Variants in RBFOX1 observed in about 807,000 individuals in gnomAD.
RBFOX1 encodes the protein RNA binding fox-1 homolog 1.
RBFOX1 carries 8 observed loss-of-function variants against 57.7 expected under a neutral mutation model. That is an observed-to-expected ratio of 0.14 (90% confidence interval 0.08 to 0.25). The LOEUF (loss-of-function observed/expected upper bound fraction) is 0.25, where lower values mean the gene tolerates loss of function less well. Ranked by LOEUF, RBFOX1 falls within the 10% of genes least tolerant of loss-of-function variation. RBFOX1 has a pLI of 1.00. For missense variants in RBFOX1, 611 were observed against 548.5 expected, an observed-to-expected ratio of 1.11 and a Z score of -1.14; for synonymous variants, 326 against 222.4, an observed-to-expected ratio of 1.47 and a Z score of -4.15.
intron 1 of RBFOX1, among the ~76,000 whole-genome samples, chr16:5,448,412 T>C (rs931535305): frequency 2.0e-5 from 3 of 152,194 alleles, no homozygotes; most frequent in African/African-American, 7.2e-5. Flanking sequence ...GGGCTGTTCA[T>C]TGAAATATAA....
intron 4 of RBFOX1, among the ~76,000 whole-genome samples, chr16:7,234,003 C>G (rs1445833470): frequency 1.3e-5 from 2 of 152,146 alleles, no homozygotes; most frequent in Admixed American, 6.6e-5. Context: ...TGATACTTTT[C>G]ATTTTCAGCA....
intron 5 of RBFOX1, among the ~76,000 whole-genome samples, chr16:7,572,313 C>G (rs571136010): frequency 6.6e-6 from 1 of 152,296 alleles, no homozygotes; most frequent in Non-Finnish European, 1.5e-5. Flanking sequence ...AGTGAGCAGA[C>G]TTGCAGGTCG....
chr16:7,200,833 T>C (rs1476653224), intron 4 of RBFOX1, among the ~76,000 whole-genome samples: 1 of 152,196 alleles, frequency 6.6e-6, no homozygotes, highest in African/African-American at 2.4e-5. Flanking sequence ...CCTTTCATGC[T>C]TTCTCCGCGC....
chr16:6,429,209 G>T (rs2153001196), intron 2 of RBFOX1, among the ~76,000 whole-genome samples: 1 of 152,324 alleles, frequency 6.6e-6, no homozygotes, highest in Admixed American at 6.5e-5. Flanking sequence ...TGTTTGAAAT[G>T]TGTCTGTGGA....
At chr16:6,293,908 GA>G (rs2077767500) in intron 1 of RBFOX1, among the ~76,000 whole-genome samples, 1 of 151,158 alleles carries the variant, frequency 6.6e-6, no homozygotes, top group South Asian at 2.1e-4. Flanking sequence ...GGGGGTGGTG[GA>G]AATAGACGAA....
rs533881672 is a variant in RBFOX1, at chr16:6,553,064, A to G, written c.-63-101539A>G. Among the ~76,000 whole-genome samples the G allele has an allele frequency of 2.0e-5, 3 of 152,278 alleles. No homozygotes were observed. In the East Asian group the frequency reaches 5.8e-4, roughly 29 times the overall value. On this transcript the variant is annotated intron_variant, in intron 2 of 15. Transcript: ENST00000550418. ...TGACACTTCAGTGGCAGCAACTTCC[A>G]GTTACAGCCAGAGTCTCAGTATGTA...
chr16:7,472,042 G>A (rs2061651312), intron 4 of RBFOX1, among the ~76,000 whole-genome samples: 1 of 152,136 alleles, frequency 6.6e-6, no homozygotes, highest in Non-Finnish European at 1.5e-5. Context: ...GTATATATTT[G>A]ACACAATTTA....
intron 3 of RBFOX1, among the ~76,000 whole-genome samples, chr16:5,851,162 C>T (rs1865810): frequency 0.25 from 38,009 of 152,052 alleles, 5,578 homozygotes; most frequent in African/African-American, 0.4. Context: ...GAAGCCAGAC[C>T]CTATGACGGT....
chr16:7,488,297 C>T (rs942518507), intron 4 of RBFOX1, among the ~76,000 whole-genome samples: 3 of 152,180 alleles, frequency 2.0e-5, no homozygotes, highest in Admixed American at 6.5e-5. Context: ...CCCTTTCTCA[C>T]TCTGCATTTT....
intron 3 of RBFOX1, among the ~76,000 whole-genome samples, chr16:5,647,385 C>T (rs2049087901): frequency 6.6e-6 from 1 of 152,094 alleles, no homozygotes; most frequent in Non-Finnish European, 1.5e-5. Context: ...CTTAAATGTG[C>T]CTGCAATTTA....
intron 3 of RBFOX1, among the ~76,000 whole-genome samples, chr16:6,836,396 G>GT (rs2141252436): frequency 6.6e-6 from 1 of 152,282 alleles, no homozygotes; most frequent in South Asian, 2.1e-4. Flanking sequence ...ACCCCATAGG[G>GT]TTTTAACCTT....
Position 7,105,899 on chromosome 16 carries a change from G to A in RBFOX1, c.27+53801G>A, listed in dbSNP as rs1004363071. On this transcript the variant is annotated intron_variant, in intron 4 of 15. Transcript: ENST00000550418. The stretch of plus-strand genomic sequence containing the variant: ...ATGGAGGAGGTATTGTTTCACTCAG[G>A]AGAGGTATACGTAGACAATAGATGC... Among the ~76,000 whole-genome samples the A allele has an allele frequency of 3.3e-5, 5 of 152,232 alleles. No individual in the cohort carries two copies. The East Asian group carries it at 9.7e-4, about 29-fold the overall frequency.
chr16:6,734,107 G>A (rs192109166), intron 3 of RBFOX1, among the ~76,000 whole-genome samples: 1 of 152,150 alleles, frequency 6.6e-6, no homozygotes, highest in Admixed American at 6.5e-5. Flanking sequence ...CTTATTACCA[G>A]AATTGCACAG....
At chr16:6,601,618 A>G (rs867789320) in intron 2 of RBFOX1, among the ~76,000 whole-genome samples, 1 of 152,126 alleles carries the variant, frequency 6.6e-6, no homozygotes, top group Non-Finnish European at 1.5e-5. Context: ...CCCCAGTCCA[A>G]TCCTTGGGAC....
chr16:7,341,317 C>A (rs530063201), intron 4 of RBFOX1, among the ~76,000 whole-genome samples: 1 of 152,118 alleles, frequency 6.6e-6, no homozygotes, highest in Non-Finnish European at 1.5e-5. Flanking sequence ...TTGAGCTTTT[C>A]AGGCTTGTAA....
chr16:7,514,985 A>G lies in RBFOX1; in HGVS notation c.28-3162A>G, dbSNP rs113882346. 3.5e-3 allele frequency among the ~76,000 whole-genome samples: 534 copies of G among 152,258 alleles called. 2 individuals carry two copies. The highest frequency in any genetic ancestry group is 5.6e-3 in the Admixed American group (85 of 15,294). On this transcript the variant is annotated intron_variant, in intron 4 of 15. Coordinates refer to ENST00000550418, the MANE Select transcript of RBFOX1 (RefSeq NM_018723.4). Reference sequence around the variant, plus strand: ...TGTCTGTACCACTGCTTATGTGGTTATTCTGTGCTTCCCTGTAAGAGTTTA... The same window carrying G: ...TGTCTGTACCACTGCTTATGTGGTTGTTCTGTGCTTCCCTGTAAGAGTTTA...
chr16:5,535,596 A>G (rs761607701), intron 2 of RBFOX1, among the ~76,000 whole-genome samples: 7 of 152,060 alleles, frequency 4.6e-5, no homozygotes, highest in African/African-American at 7.2e-5. Flanking sequence ...AGCTCTCCCC[A>G]CTGGGTCATG....
At chr16:6,661,755 G>A (rs761925201) in intron 3 of RBFOX1, among the ~76,000 whole-genome samples, 6 of 152,184 alleles carry the variant, frequency 3.9e-5, no homozygotes, top group Non-Finnish European at 8.8e-5. Context: ...TCCTTGTGAT[G>A]TGTGACAGAA....
At chr16:6,052,778 C>T (rs1039318556) in intron 1 of RBFOX1, among the ~76,000 whole-genome samples, 6 of 141,754 alleles carry the variant, frequency 4.2e-5, no homozygotes, top group Non-Finnish European at 6.2e-5. Context: ...AGCGAGACTC[C>T]GTCTCAAAAA....
Sources: gnomAD v4.1 joint callset for allele counts (sites outside exome capture counted in the v4.1 genomes callset) on GRCh38, gnomAD v4.1.1 for gene constraint, MANE v1.5 for transcripts, NCBI Gene and HGNC (gene_info 2026-07-23, HGNC 2026-07-21) for gene names.